PDE1A: variants seen among roughly 807,000 people sequenced by gnomAD.
PDE1A encodes phosphodiesterase 1A.
Under a neutral mutation model 61.7 loss-of-function variants are expected in PDE1A, and 35 were observed. That is an observed-to-expected ratio of 0.57 (90% CI 0.43 to 0.75). PDE1A has a LOEUF of 0.75. Among genes scored for constraint, PDE1A ranks in the 30% least tolerant of loss-of-function variants. PDE1A has a pLI of 0.00. For missense variants in PDE1A, 597 were observed against 630.6 expected, an observed-to-expected ratio of 0.95 and a Z score of 0.57; for synonymous variants, 232 against 213.2, an observed-to-expected ratio of 1.09 and a Z score of -0.77.
At chr2:182,240,386 G>T in intron 2 of PDE1A, 94 bp from the exon 3 acceptor site, 1 of 693,228 alleles carries the variant, frequency 1.4e-6, no homozygotes. Context: ...TTAAAATATA[G>T]CCAATCACTC....
chr2:182,631,423 C>T, the PDE1A span, among the ~76,000 whole-genome samples: 1 of 152,138 alleles, frequency 6.6e-6, no homozygotes, highest in Non-Finnish European at 1.5e-5. Context: ...CTCATCATCT[C>T]GCATTAGGTA....
At chr2:182,444,720 T>G (rs995928102) in intron 2 of PDE1A, among the ~76,000 whole-genome samples, 3 of 151,890 alleles carry the variant, frequency 2.0e-5, no homozygotes, top group Admixed American at 2.0e-4. Context: ...CACCAAGGCC[T>G]TAGCTTCTAT....
chr2:182,215,997 C>T (rs1166633590), intron 7 of PDE1A, among the ~76,000 whole-genome samples: 1 of 96,766 alleles, frequency 1.0e-5, no homozygotes, highest in East Asian at 4.3e-4. Context: ...CCTTGATGAA[C>T]ATTGATGCAA....
the PDE1A span, among the ~76,000 whole-genome samples, chr2:182,650,299 G>A: frequency 6.6e-6 from 1 of 152,210 alleles, no homozygotes; most frequent in African/African-American, 2.4e-5. Context: ...CTACTAACAA[G>A]CAAAACTGGT....
the PDE1A span, among the ~76,000 whole-genome samples, chr2:182,574,343 A>G: frequency 2.0e-5 from 3 of 152,228 alleles, no homozygotes; most frequent in African/African-American, 4.8e-5. Flanking sequence ...ACATCCTTCA[A>G]TCCAATCAAG....
At chr2:182,206,114 T>A in intron 7 of PDE1A, 49 bp from the exon 8 acceptor site, 2 of 1,493,394 alleles carry the variant, frequency 1.3e-6, no homozygotes, top group East Asian at 4.6e-5. Flanking sequence ...TTAGACATCA[T>A]GAATGTCTAA....
At chr2:182,453,765 T>C (rs1352898541) in intron 2 of PDE1A, among the ~76,000 whole-genome samples, 1 of 152,146 alleles carries the variant, frequency 6.6e-6, no homozygotes, top group African/African-American at 2.4e-5. Context: ...ATGGGATGTA[T>C]CTCAAAATAA....
At chr2:182,162,008 T>G (rs1377207755) in intron 13 of PDE1A, among the ~76,000 whole-genome samples, 1 of 152,060 alleles carries the variant, frequency 6.6e-6, no homozygotes, top group East Asian at 1.9e-4. Context: ...TTAAAAGGCT[T>G]AAGGAAATTG....
chr2:182,215,184 G>A (rs1372376927), intron 7 of PDE1A, among the ~76,000 whole-genome samples: 1 of 39,136 alleles, frequency 2.6e-5, no homozygotes, highest in Non-Finnish European at 5.1e-5. Flanking sequence ...ATAACGAAAT[G>A]AAGGCAGAAA....
the PDE1A span, among the ~76,000 whole-genome samples, chr2:182,555,691 C>T: frequency 6.6e-6 from 1 of 151,876 alleles, no homozygotes; most frequent in African/African-American, 2.4e-5. Flanking sequence ...GTTGGCTGGG[C>T]GTGGTGGGTC....
intron 2 of PDE1A, among the ~76,000 whole-genome samples, chr2:182,434,528 C>T (rs1166668630): frequency 1.3e-5 from 2 of 151,992 alleles, no homozygotes; most frequent in Non-Finnish European, 2.9e-5. Context: ...GGAAAGCTAA[C>T]TGAAAATGAA....
intron 2 of PDE1A, among the ~76,000 whole-genome samples, chr2:182,479,675 T>C (rs1019568938): frequency 6.6e-6 from 1 of 151,844 alleles, no homozygotes; most frequent in Admixed American, 6.6e-5. Context: ...TAAATATATA[T>C]AGCATTTCAG....
intron 2 of PDE1A, among the ~76,000 whole-genome samples, chr2:182,459,822 AT>A (rs1190495288): frequency 6.6e-6 from 1 of 152,140 alleles, no homozygotes; most frequent in African/African-American, 2.4e-5. Flanking sequence ...GTATTTCAGT[AT>A]TTTTTTCTCA....
chr2:182,676,641 T>C, the PDE1A span, among the ~76,000 whole-genome samples: 1 of 152,158 alleles, frequency 6.6e-6, no homozygotes, highest in Non-Finnish European at 1.5e-5. Context: ...ATATCATTAA[T>C]GAACATTGAT....
chr2:182,569,024 G>A, the PDE1A span, among the ~76,000 whole-genome samples: 103 of 151,724 alleles, frequency 6.8e-4, no homozygotes, highest in African/African-American at 2.4e-3. Context: ...AGTTCAAGAC[G>A]GGTAGATCAC....
chr2:182,414,320 G>A (rs1240576122), intron 1 of PDE1A, among the ~76,000 whole-genome samples: 1 of 152,130 alleles, frequency 6.6e-6, no homozygotes, highest in African/African-American at 2.4e-5. Context: ...TATCACCTAA[G>A]CATTCTAGTC....
intron 2 of PDE1A, among the ~76,000 whole-genome samples, chr2:182,499,326 G>A (rs953986292): frequency 4.6e-5 from 7 of 151,924 alleles, no homozygotes; most frequent in Admixed American, 6.6e-5. Flanking sequence ...ACAGGCGCCC[G>A]CAACTGTACT....
At chr2:182,261,760 G>A (rs1574181785) in intron 2 of PDE1A, among the ~76,000 whole-genome samples, 1 of 152,096 alleles carries the variant, frequency 6.6e-6, no homozygotes, top group East Asian at 1.9e-4. Flanking sequence ...AAATGCACCA[G>A]AAAAATGAAT....
chr2:182,381,489 T>C (rs1031218052), intron 1 of PDE1A, among the ~76,000 whole-genome samples: 1 of 152,140 alleles, frequency 6.6e-6, no homozygotes, highest in African/African-American at 2.4e-5. Context: ...TGTAATGTCA[T>C]GTGTTGCACA....
Sources: gnomAD v4.1 joint callset for allele counts (sites outside exome capture counted in the v4.1 genomes callset) on GRCh38, gnomAD v4.1.1 for gene constraint, MANE v1.5 for transcripts, NCBI Gene and HGNC (gene_info 2026-07-23, HGNC 2026-07-21) for gene names.